Variants in KCNH7 observed in about 807,000 individuals in gnomAD.
KCNH7 encodes voltage-gated inwardly rectifying potassium channel KCNH7.
KCNH7 carries 49 observed loss-of-function variants against 120.8 expected under a neutral mutation model. That is an observed-to-expected ratio of 0.41 (90% CI 0.32 to 0.51). KCNH7 has a LOEUF of 0.51. Ranked by LOEUF, KCNH7 falls within the 20% of genes least tolerant of loss-of-function variation. The pLI, the probability that KCNH7 is intolerant of heterozygous loss-of-function variation, is 0.38. For missense variants in KCNH7, 1,097 were observed against 1,446.6 expected, an observed-to-expected ratio of 0.76 and a Z score of 3.92; for synonymous variants, 547 against 516.1, an observed-to-expected ratio of 1.06 and a Z score of -0.81.
At chr2:162,386,855 G>A (rs986425007) in intron 12 of KCNH7, among the ~76,000 whole-genome samples, 1 of 151,550 alleles carries the variant, frequency 6.6e-6, no homozygotes, top group Non-Finnish European at 1.5e-5. Flanking sequence ...ACTAACTTTG[G>A]CTTGATTTTG....
chr2:162,718,042 CTCTCTCTTT>C (rs908694747), intron 2 of KCNH7, among the ~76,000 whole-genome samples: 1 of 148,780 alleles, frequency 6.7e-6, no homozygotes, highest in African/African-American at 2.6e-5. Flanking sequence ...CTCTCCCTCT[CTCTCTCTTT>C]TTTTTTTCTT....
At chr2:162,504,172 G>A (rs1217839309) in intron 6 of KCNH7, among the ~76,000 whole-genome samples, 1 of 151,988 alleles carries the variant, frequency 6.6e-6, no homozygotes, top group African/African-American at 2.4e-5. Flanking sequence ...GTCCAAACAC[G>A]ACGAATAGCA....
intron 2 of KCNH7, among the ~76,000 whole-genome samples, chr2:162,814,335 G>A (rs917147781): frequency 6.6e-6 from 1 of 152,128 alleles, no homozygotes; most frequent in Non-Finnish European, 1.5e-5. Flanking sequence ...TTCATCTTTA[G>A]ATAATATTGT....
intron 2 of KCNH7, among the ~76,000 whole-genome samples, chr2:162,654,783 G>A (rs1684685922): frequency 6.6e-6 from 1 of 152,090 alleles, no homozygotes; most frequent in Non-Finnish European, 1.5e-5. Context: ...TATACACAAT[G>A]GAATACTATT....
chr2:162,424,259 C>T lies in KCNH7; in HGVS notation c.1955-724G>A, dbSNP rs180896517. 9.9e-5 allele frequency among the ~76,000 whole-genome samples: 15 copies of T among 152,050 alleles called. No individual in the cohort carries two copies. The East Asian group carries it at 1.2e-3, about 12-fold the overall frequency. On this transcript the variant is annotated intron_variant, in intron 8 of 15. Transcript: ENST00000332142. ...TGTTCTTTCATCTATGGGAAGAAAC[C>T]GCTATGAGATCCCTTGCAACATAAT...
chr2:162,547,550 T>C (rs1174759781), intron 2 of KCNH7, among the ~76,000 whole-genome samples: 2 of 152,212 alleles, frequency 1.3e-5, no homozygotes, highest in African/African-American at 2.4e-5. Context: ...CTTTGTCTTA[T>C]GTAATCCTCA....
At chr2:162,710,095 T>C (rs1458150774) in intron 2 of KCNH7, among the ~76,000 whole-genome samples, 3 of 152,098 alleles carry the variant, frequency 2.0e-5, no homozygotes, top group East Asian at 1.9e-4. Flanking sequence ...TTGCCAATAA[T>C]GTGAGCAGAG....
intron 2 of KCNH7, among the ~76,000 whole-genome samples, chr2:162,746,164 A>AT (rs1452734808): frequency 1.3e-5 from 2 of 151,994 alleles, no homozygotes; most frequent in Non-Finnish European, 1.5e-5. Flanking sequence ...TGGTTTTTAG[A>AT]TTTTCAAGCT....
At chr2:162,430,847 C>A (rs777876996) in intron 8 of KCNH7, among the ~76,000 whole-genome samples, 1 of 151,388 alleles carries the variant, frequency 6.6e-6, no homozygotes, top group South Asian at 2.1e-4. Context: ...TTCTGGTTTA[C>A]GTGTTTTTAA....
At chr2:162,709,162 T>C (rs768994162) in intron 2 of KCNH7, among the ~76,000 whole-genome samples, 4 of 152,092 alleles carry the variant, frequency 2.6e-5, no homozygotes, top group Non-Finnish European at 5.9e-5. Flanking sequence ...TCTCCTAGGT[T>C]TATCGTGATA....
intron 2 of KCNH7, among the ~76,000 whole-genome samples, chr2:162,608,047 T>C (rs1253560856): frequency 6.6e-6 from 1 of 152,212 alleles, no homozygotes; most frequent in Non-Finnish European, 1.5e-5. Flanking sequence ...CTAGACAGTT[T>C]CATTCTATTA....
intron 2 of KCNH7, among the ~76,000 whole-genome samples, chr2:162,730,051 C>G (rs13028292): frequency 1.0e-4 from 15 of 148,616 alleles, no homozygotes; most frequent in Non-Finnish European, 7.4e-5. Context: ...GTAAATACAA[C>G]GTGTGAAAAT....
At chr2:162,832,760 A>C (rs1305625871) in intron 2 of KCNH7, among the ~76,000 whole-genome samples, 1 of 152,090 alleles carries the variant, frequency 6.6e-6, no homozygotes, top group Admixed American at 6.6e-5. Flanking sequence ...CTTGATTCAC[A>C]AAAACACAGC....
rs182860637 is a variant in KCNH7 at position 162,424,818 on chromosome 2, A to G, written c.1955-1283T>C. On this transcript the variant is annotated intron_variant, in intron 8 of 15. Coordinates refer to ENST00000332142, the MANE Select transcript of KCNH7 (RefSeq NM_033272.4). ...AGTAAGAGAAAGTCCCAGGGAAAGC[A>G]GTGACCCCTTGTTTTTATCTATTTA... Among the ~76,000 whole-genome samples, 24 of 152,316 alleles carry G rather than the reference A, an allele frequency of 1.6e-4. No homozygotes were observed. In the East Asian group the frequency reaches 4.6e-3, roughly 29 times the overall value.
rs1049556493 is a variant in KCNH7 at position 162,400,546 on chromosome 2, C to A, written c.2155-105G>T. ...AGAACTGCAGGTGTAGTCATTGCCACGCAGGAGTTCCTACTACTCTTCTAC... is the reference window on the plus strand; with the variant it reads ...AGAACTGCAGGTGTAGTCATTGCCAAGCAGGAGTTCCTACTACTCTTCTAC... On this transcript the variant is annotated intron_variant, in intron 9 of 15. Transcript: ENST00000332142. The A allele has an allele frequency of 2.7e-6, 3 of 1,115,054 alleles. No homozygotes were observed. The East Asian group carries it at 7.2e-5, about 27-fold the overall frequency. The allele number at this position is 1,115,054 out of a possible 1,614,324, so 69.1% of individuals were successfully genotyped here. A position where few individuals can be genotyped will look rare whatever the true frequency, so the allele number is the denominator to read the frequency against.
intron 2 of KCNH7, among the ~76,000 whole-genome samples, chr2:162,537,907 A>C (rs1692166957): frequency 6.6e-6 from 1 of 152,094 alleles, no homozygotes; most frequent in African/African-American, 2.4e-5. Context: ...ACTTCTTTTA[A>C]ATCAACTGAC....
At chr2:162,580,447 C>T (rs371907490) in intron 2 of KCNH7, among the ~76,000 whole-genome samples, 9 of 151,976 alleles carry the variant, frequency 5.9e-5, no homozygotes, top group African/African-American at 2.2e-4. Flanking sequence ...AGAATATGAA[C>T]AGGGGAGGCT....
intron 6 of KCNH7, among the ~76,000 whole-genome samples, chr2:162,453,506 A>T (rs534762083): frequency 6.6e-6 from 1 of 152,272 alleles, no homozygotes; most frequent in South Asian, 2.1e-4. Context: ...GTCAAATGGT[A>T]TTTCTGGTTC....
At chr2:162,809,789 C>T (rs1413552129) in intron 2 of KCNH7, among the ~76,000 whole-genome samples, 1 of 151,948 alleles carries the variant, frequency 6.6e-6, no homozygotes, top group Non-Finnish European at 1.5e-5. Flanking sequence ...CTGATAGAAG[C>T]AGAAGTACTC....
Sources: allele counts gnomAD v4.1 joint callset (sites outside exome capture counted in the v4.1 genomes callset), GRCh38; gene constraint gnomAD v4.1.1; transcripts MANE v1.5; gene names NCBI Gene and HGNC (gene_info 2026-07-23, HGNC 2026-07-21).